The following ETFA variants were observed in gnomAD, a reference collection of about 807,000 sequenced individuals.
ETFA encodes electron transfer flavoprotein subunit alpha, also known as electron transfer flavoprotein subunit alpha, mitochondrial.
ETFA carries 22 observed loss-of-function variants against 46.2 expected under a neutral mutation model. The observed-to-expected ratio is 0.48, with a 90% CI of 0.34 to 0.68. ETFA has a LOEUF of 0.68. Among genes scored for constraint, ETFA ranks in the 30% least tolerant of loss-of-function variants. ETFA has a pLI of 0.01. For missense variants in ETFA, 345 were observed against 401.1 expected (o/e 0.86, Z 1.19); for synonymous variants, 131 against 139.9 (o/e 0.94, Z 0.45).
chr15:76,259,911 G>T, intron 9 of ETFA: 1 of 1,258,098 alleles, frequency 7.9e-7, no homozygotes, highest in East Asian at 2.3e-5. Context: ...ACGGGGATGG[G>T]GTGACAGCCT....
At chr15:76,251,323 T>A (rs2039295508) in intron 9 of ETFA, among the ~76,000 whole-genome samples, 1 of 152,234 alleles carries the variant, frequency 6.6e-6, no homozygotes, top group Non-Finnish European at 1.5e-5. Context: ...CACATGTAGA[T>A]AAGCTGGATT....
At chr15:76,265,144 C>G (rs968809925) in intron 9 of ETFA, among the ~76,000 whole-genome samples, 1 of 152,170 alleles carries the variant, frequency 6.6e-6, no homozygotes, top group African/African-American at 2.4e-5. Context: ...TAGGGAGCCA[C>G]CAAAGAAGGT....
chr15:76,225,770 T>G (rs1337979946), intron 11 of ETFA, 79 bp downstream of exon 11: 2 of 896,890 alleles, frequency 2.2e-6, no homozygotes, highest in Admixed American at 3.4e-5. Flanking sequence ...TTTCTTTTAA[T>G]AGCTTCATCC....
At chr15:76,271,770 G>A (rs146616087) in intron 9 of ETFA, among the ~76,000 whole-genome samples, 1 of 152,152 alleles carries the variant, frequency 6.6e-6, no homozygotes, top group South Asian at 2.1e-4. Flanking sequence ...TAAAAATATA[G>A]GTTTTTTGTT....
At chr15:76,258,835 T>A (rs2039372943) in intron 9 of ETFA, among the ~76,000 whole-genome samples, 1 of 152,202 alleles carries the variant, frequency 6.6e-6, no homozygotes, top group Non-Finnish European at 1.5e-5. Context: ...TTGGGTGATT[T>A]GGTCAGTCCA....
At position 76,233,325 on chromosome 15, in the gene ETFA, C is replaced by CTTTTTTTTTT. The variant is rs66595585; in HGVS notation, c.817-1937_817-1928dup. ...TAAGATTTAGAAGTAATTCAATAGG[C>CTTTTTTTTTT]TTTTTTTTTTTTTTTTTTTTTTGAG... On this transcript the variant is annotated intron_variant, in intron 9 of 11. Coordinates refer to ENST00000557943, the MANE Select transcript of ETFA (RefSeq NM_000126.4). Among the ~76,000 whole-genome samples, 20 of 84,494 alleles carry CTTTTTTTTTT rather than the reference C, an allele frequency of 2.4e-4. 1 individual carries two copies. The highest frequency in any genetic ancestry group is 8.6e-4 in the Admixed American group (5 of 5,804). The allele number at this position is 84,494 out of a possible 152,430, so 55.4% of individuals were successfully genotyped here. A position where few individuals can be genotyped will look rare whatever the true frequency, so the allele number is the denominator to read the frequency against.
intron 9 of ETFA, among the ~76,000 whole-genome samples, chr15:76,233,522 G>T: frequency 6.6e-6 from 1 of 151,956 alleles, no homozygotes; most frequent in Non-Finnish European, 1.5e-5. Flanking sequence ...TAGAGATGGG[G>T]TTTCACTATG....
chr15:76,248,084 C>T (rs1020069172), intron 9 of ETFA, among the ~76,000 whole-genome samples: 6 of 152,190 alleles, frequency 3.9e-5, no homozygotes, highest in Middle Eastern at 3.4e-3. Flanking sequence ...TGTAAAGTAA[C>T]GCAGGGAACC....
At chr15:76,239,110 G>A (rs986036467) in intron 9 of ETFA, among the ~76,000 whole-genome samples, 5 of 152,046 alleles carry the variant, frequency 3.3e-5, no homozygotes, top group African/African-American at 9.7e-5. Flanking sequence ...TTATACACAC[G>A]ACCTCATTTA....
intron 8 of ETFA, among the ~76,000 whole-genome samples, chr15:76,282,929 TAC>T (rs1441834943): frequency 2.0e-5 from 3 of 152,116 alleles, no homozygotes; most frequent in South Asian, 2.1e-4. Context: ...TAACTGGGAT[TAC>T]AGACACATGC....
At chr15:76,224,732 C>T (rs1193736343) in intron 11 of ETFA, among the ~76,000 whole-genome samples, 1 of 152,216 alleles carries the variant, frequency 6.6e-6, no homozygotes, top group East Asian at 1.9e-4. Flanking sequence ...AGCAAACCCA[C>T]TTCTCCTAGG....
chr15:76,278,502 G>C (rs2037306), intron 8 of ETFA, among the ~76,000 whole-genome samples: 147,068 of 152,290 alleles, frequency 0.97, 71,231 homozygotes, highest in East Asian at 1. Context: ...AACCTCTCCA[G>C]TTTTTCCATA....
chr15:76,259,141 C>G, intron 9 of ETFA: 1 of 1,501,362 alleles, frequency 6.7e-7, no homozygotes, highest in South Asian at 1.1e-5. Context: ...GTGCCACCCA[C>G]TGTCCCCATG....
At chr15:76,303,114 G>A (rs2039897192) in intron 1 of ETFA, among the ~76,000 whole-genome samples, 1 of 152,136 alleles carries the variant, frequency 6.6e-6, no homozygotes. Context: ...AGACCAGCCT[G>A]GCCAACATGG....
chr15:76,256,244 G>C (rs2039344588), intron 9 of ETFA, among the ~76,000 whole-genome samples: 1 of 140,574 alleles, frequency 7.1e-6, no homozygotes, highest in African/African-American at 2.7e-5. Context: ...GGCAATAAGA[G>C]TGAGACTCCG....
At chr15:76,280,072 C>CT (rs570279943) in intron 8 of ETFA, among the ~76,000 whole-genome samples, 53 of 150,250 alleles carry the variant, frequency 3.5e-4, no homozygotes, top group Non-Finnish European at 6.6e-4. Flanking sequence ...CCTGGGACCT[C>CT]TTTTTTTATC....
In ETFA at chr15:76,311,333, T is replaced by A; in HGVS notation, c.39+17A>T. ...CGGGGGGCCGTCCCTGGGTTCGCCTTCCCAGTCCGGACTCACCGCCCGCCG... is the reference window on the plus strand; with the variant it reads ...CGGGGGGCCGTCCCTGGGTTCGCCTACCCAGTCCGGACTCACCGCCCGCCG... On this transcript the variant is annotated intron_variant, in intron 1 of 11. Coordinates refer to ENST00000557943, the MANE Select transcript of ETFA (RefSeq NM_000126.4). 6.4e-7 allele frequency: 1 copy of A among 1,555,056 alleles called. No individual in the cohort carries two copies. The highest frequency in any genetic ancestry group is 8.7e-7 in the Non-Finnish European group (1 of 1,149,860).
chr15:76,254,095 T>C (rs1285093149), intron 9 of ETFA, among the ~76,000 whole-genome samples: 1 of 152,190 alleles, frequency 6.6e-6, no homozygotes, highest in East Asian at 1.9e-4. Context: ...TTTCCTCCCT[T>C]GGGGCATTTG....
intron 9 of ETFA, among the ~76,000 whole-genome samples, chr15:76,263,394 T>C (rs2039437889): frequency 6.6e-6 from 1 of 152,162 alleles, no homozygotes; most frequent in African/African-American, 2.4e-5. Context: ...AAGCGGAGGA[T>C]GCATCGTCAG....
Sources: gnomAD v4.1 joint callset for allele counts (sites outside exome capture counted in the v4.1 genomes callset) on GRCh38, gnomAD v4.1.1 for gene constraint, MANE v1.5 for transcripts, NCBI Gene and HGNC (gene_info 2026-07-23, HGNC 2026-07-21) for gene names.